SYNPO: variants seen among roughly 807,000 people sequenced by gnomAD.
SYNPO encodes synaptopodin.
Under a neutral mutation model 49.5 loss-of-function variants are expected in SYNPO, and 19 were observed. The ratio of observed to expected loss-of-function variants is 0.38; its 90% CI spans 0.27 to 0.56. The LOEUF (loss-of-function observed/expected upper bound fraction) is 0.56, where lower values mean the gene tolerates loss of function less well. Ranked by LOEUF, SYNPO falls within the 20% of genes least tolerant of loss-of-function variation. The pLI is 0.68. For missense variants in SYNPO, 1,131 were observed against 1,248.3 expected, an observed-to-expected ratio of 0.91 and a Z score of 1.42; for synonymous variants, 536 against 548.0, an observed-to-expected ratio of 0.98 and a Z score of 0.31.
chr5:150,604,966 C>T (rs1298614775), intron 1 of SYNPO, among the ~76,000 whole-genome samples: 3 of 152,176 alleles, frequency 2.0e-5, no homozygotes, highest in Non-Finnish European at 2.9e-5. Flanking sequence ...TAACTTCAAG[C>T]AGATTACTTA....
upstream of SYNPO, among the ~76,000 whole-genome samples, chr5:150,597,601 T>G (rs933005845): frequency 1.3e-5 from 2 of 152,204 alleles, no homozygotes; most frequent in Non-Finnish European, 1.5e-5. Context: ...CCCAAAGAGC[T>G]GGGATTACAG....
rs1758632546 is a variant in SYNPO at position 150,657,842 on chromosome 5, G to C, written c.*755G>C. 1 of 152,490 alleles carries C rather than the reference G, an allele frequency of 6.6e-6. No homozygotes were observed. The highest frequency in any genetic ancestry group is 1.5e-5 in the Non-Finnish European group (1 of 68,178). 9.4% of individuals were successfully genotyped at this position (152,490 alleles called of 1,614,324 possible). On this transcript the variant is annotated 3_prime_UTR_variant, in exon 3 of 3. Coordinates refer to ENST00000307662, the MANE Select transcript of SYNPO (RefSeq NM_007286.6). ...CTGTCATGCTACTTTCTCCATCCCA[G>C]TTCAGACTGTCCAGGACATCTTATC...
intron 2 of SYNPO, chr5:150,624,951 G>A (rs568551614): frequency 4.1e-6 from 4 of 985,396 alleles, no homozygotes; most frequent in Non-Finnish European, 4.8e-6. Flanking sequence ...GGCACCGCGC[G>A]AGCCTCGCCC....
chr5:150,640,651 G>A (rs1018410807), upstream of SYNPO: 19 of 985,536 alleles, frequency 1.9e-5, no homozygotes, highest in African/African-American at 8.7e-5. Context: ...TTGCAAAATC[G>A]GTTTTCCTGA....
Position 150,649,924 on chromosome 5 carries a change from C to T in SYNPO, c.1649C>T (p.Pro550Leu). The T allele has an allele frequency of 6.2e-7, 1 of 1,612,264 alleles. No individual in the cohort carries two copies. The highest frequency in any genetic ancestry group is 1.3e-5 in the African/African-American group (1 of 75,056). Reference sequence around the variant, plus strand: ...GCCTCCCTCTACCATGGCTACCTGCCTGAGAACGGGGTCCTGCGCCCAGAG... The same window carrying T: ...GCCTCCCTCTACCATGGCTACCTGCTTGAGAACGGGGTCCTGCGCCCAGAG... ...PPASLYHGYL[P>L]ENGVLRPEPT... Residue 550 changes from proline to leucine, a missense_variant, in exon 2 of 3, where the codon CCT becomes CTT. Coordinates refer to ENST00000307662, the MANE Select transcript of SYNPO (RefSeq NM_007286.6).
intron 2 of SYNPO, chr5:150,651,763 G>A (rs1166646456): frequency 1.0e-6 from 1 of 1,000,296 alleles, no homozygotes. Context: ...CTGCATGTGT[G>A]TCTGTAGGTC....
intron 2 of SYNPO, among the ~76,000 whole-genome samples, chr5:150,655,732 A>C (rs1248862738): frequency 6.6e-6 from 1 of 152,198 alleles, no homozygotes; most frequent in Non-Finnish European, 1.5e-5. Flanking sequence ...GGCTCACTGC[A>C]ACCTCCGCCT....
chr5:150,605,102 A>T (rs1406358236), intron 1 of SYNPO, among the ~76,000 whole-genome samples: 1 of 151,856 alleles, frequency 6.6e-6, no homozygotes, highest in Non-Finnish European at 1.5e-5. Flanking sequence ...CTCAATGAAC[A>T]CTCCTCTAGC....
At chr5:150,601,826 C>T (rs371063238) in intron 1 of SYNPO, among the ~76,000 whole-genome samples, 1 of 152,232 alleles carries the variant, frequency 6.6e-6, no homozygotes, top group African/African-American at 2.4e-5. Context: ...CCTTTTCTTT[C>T]AGCCCAGCTC....
At chr5:150,608,615 G>T (rs1274170142) in intron 1 of SYNPO, 3 of 152,072 alleles carry the variant, frequency 2.0e-5, no homozygotes, top group Non-Finnish European at 2.9e-5. Flanking sequence ...GTGATGTGGG[G>T]TCTGCACTTT....
Position 150,650,245 on chromosome 5 carries a change from G to A in SYNPO, c.1970G>A (p.Arg657Gln), listed in dbSNP as rs915401572. 39 of 1,613,852 alleles carry A rather than the reference G, an allele frequency of 2.4e-5. No homozygotes were observed. The highest frequency in any genetic ancestry group is 1.3e-4 in the Admixed American group (8 of 60,010). The stretch of plus-strand genomic sequence containing the variant: ...TCTCCCTCCAGGGCGTGGTCTCCCC[G>A]AGCCAAGCAGGCCCCCAGGCCCTCC... ...PVSPSRAWSP[R>Q]AKQAPRPSFS... Residue 657 changes from arginine (R) to glutamine (Q), a missense_variant, in exon 2 of 3, where the codon CGA becomes CAA. Around this residue, in one of 4 missense-constraint regions of SYNPO, gnomAD observed 509 missense variants for 484.5 expected, o/e 1.05. Coordinates refer to ENST00000307662, the MANE Select transcript of SYNPO (RefSeq NM_007286.6).
At chr5:150,634,112 T>C (rs968464539) in intron 2 of SYNPO, among the ~76,000 whole-genome samples, 4 of 152,226 alleles carry the variant, frequency 2.6e-5, no homozygotes, top group Non-Finnish European at 5.9e-5. Context: ...TCATGGACTC[T>C]AAAGCCCAGT....
intron 1 of SYNPO, chr5:150,608,419 G>A (rs1250779010): frequency 2.0e-5 from 3 of 152,214 alleles, no homozygotes; most frequent in Admixed American, 6.5e-5. Flanking sequence ...CTATAAGCCT[G>A]TGGCCCATCT....
Position 150,648,405 on chromosome 5 carries a change from C to A in SYNPO, c.130C>A (p.Leu44Met), listed in dbSNP as rs760428128. 1.9e-6 allele frequency: 3 copies of A among 1,614,190 alleles called. No individual in the cohort carries two copies. The highest frequency in any genetic ancestry group is 2.2e-5 in the East Asian group (1 of 44,882). Residue 44 changes from leucine (L) to methionine (M), a missense_variant, in exon 2 of 3, where the codon CTG becomes ATG. By Grantham distance (15) the Leu-to-Met change is conservative (BLOSUM62 2). Around this residue, in one of 4 missense-constraint regions of SYNPO, gnomAD observed 602 missense variants for 720.7 expected, o/e 0.84. Coordinates refer to ENST00000307662, the MANE Select transcript of SYNPO (RefSeq NM_007286.6). This position sits in a 1 kb window ranked among gnomAD's most constrained non-coding sequence, Gnocchi z 5.0. Reference sequence around the variant, plus strand: ...ACTGCTGACAGCCAATGGGCTGCACCTGTCCCAAAACCGAGAGGCCCAGCA... The same window carrying A: ...ACTGCTGACAGCCAATGGGCTGCACATGTCCCAAAACCGAGAGGCCCAGCA... ...AALLTANGLH[L>M]SQNREAQQSS... is the part of the protein sequence containing the mutation.
intron 2 of SYNPO, among the ~76,000 whole-genome samples, chr5:150,628,020 C>CTG (rs747812035): frequency 5.6e-5 from 8 of 142,094 alleles, no homozygotes; most frequent in Non-Finnish European, 1.2e-4. Flanking sequence ...GTGTGTGTTT[C>CTG]TGTGTGTGTG....
chr5:150,639,272 C>T (rs775214200), upstream of SYNPO, among the ~76,000 whole-genome samples: 7 of 152,202 alleles, frequency 4.6e-5, no homozygotes, highest in Non-Finnish European at 8.8e-5. Context: ...CTGATCCCGA[C>T]CCACTGCCAG....
At chr5:150,604,665 A>G (rs76320315) in intron 1 of SYNPO, among the ~76,000 whole-genome samples, 5,113 of 152,290 alleles carry the variant, frequency 0.034, 131 homozygotes, top group East Asian at 0.13. Context: ...GTGGGAGCTC[A>G]CCAGGCGACT....
chr5:150,652,348 TTC>T (rs1758421160), intron 2 of SYNPO: 2 of 987,836 alleles, frequency 2.0e-6, no homozygotes, highest in Non-Finnish European at 2.4e-6. Context: ...TCCGTCTTGC[TTC>T]TTTCTTTCTT....
rs376833676 is a variant in SYNPO at position 150,650,042 on chromosome 5, G to A, written c.1767G>A (p.Ser589=). ...CCAAGGTCTCACCAAGAGCTGCCTC[G>A]CCCGCCAAGCCCAGCTCCTTGGACC... ...EPAKVSPRAA[S]PAKPSSLDLV... is the part of the protein sequence containing the mutation. Residue 589 remains serine, a synonymous_variant, in exon 2 of 3, where the codon TCG becomes TCA. Transcript: ENST00000307662. 147 of 1,612,620 alleles carry A rather than the reference G, an allele frequency of 9.1e-5. 4 individuals are homozygous for A. The South Asian group carries it at 1.3e-3, about 14-fold the overall frequency.
Sources: allele counts gnomAD v4.1 joint callset (sites outside exome capture counted in the v4.1 genomes callset), GRCh38; gene constraint gnomAD v4.1.1; regional missense constraint gnomAD v4.1.1; non-coding constraint Gnocchi (gnomAD v3.1); transcripts MANE v1.5; gene names NCBI Gene and HGNC (gene_info 2026-07-23, HGNC 2026-07-21).